Variants in SAR1B observed in about 807,000 individuals in gnomAD.
The protein encoded by SAR1B is small COPII coat GTPase SAR1B.
SAR1B carries 23 observed loss-of-function variants against 26.8 expected under a neutral mutation model. The observed-to-expected ratio is 0.86, with a 90% confidence interval of 0.62 to 1.22. The LOEUF (loss-of-function observed/expected upper bound fraction) is 1.22, where lower values mean the gene tolerates loss of function less well. SAR1B is among the 50% of genes most tolerant of loss of function. The pLI is 0.00. For synonymous variants in SAR1B, 65 were observed against 80.8 expected (o/e 0.80, Z 1.05); for missense variants, 196 against 232.8 (o/e 0.84, Z 1.03).
intron 3 of SAR1B, 68 bp from the exon 4 acceptor site, chr5:134,612,824 A>T: frequency 7.0e-7 from 1 of 1,425,508 alleles, no homozygotes; most frequent in Non-Finnish European, 9.7e-7. Flanking sequence ...AAAGTAAAGT[A>T]GAGGTTCCTT....
chr5:134,630,889 C>CTTTTTTTTTTTTTTTTTTTTTTT lies in SAR1B; in HGVS notation c.-19+1816_-19+1838dup, dbSNP rs781218368. Among the ~76,000 whole-genome samples, 101 of 69,152 alleles carry CTTTTTTTTTTTTTTTTTTTTTTT rather than the reference C, an allele frequency of 1.5e-3. 4 individuals carry two copies. The highest frequency in any genetic ancestry group is 1.8e-3 in the Non-Finnish European group (62 of 35,240). 45.4% of individuals were successfully genotyped at this position (69,152 alleles called of 152,430 possible). ...TTTCCTTTTCTATTTCTTTTTTTTT[C>CTTTTTTTTTTTTTTTTTTTTTTT]TTTTTTTTTTTTTTTTTTTTTTTTT... On this transcript the variant is annotated intron_variant, in intron 1 of 6. Coordinates refer to ENST00000402673, the MANE Select transcript of SAR1B (RefSeq NM_016103.4).
At chr5:134,609,171 G>T in intron 5 of SAR1B, 1 of 452,518 alleles carries the variant, frequency 2.2e-6, no homozygotes, top group Admixed American at 2.4e-5. Context: ...ATATGCCTCT[G>T]CTCACTCCTG....
At chr5:134,632,546 G>A (rs1338398403) in intron 1 of SAR1B, among the ~76,000 whole-genome samples, 182 bp downstream of exon 1, 1 of 152,202 alleles carries the variant, frequency 6.6e-6, no homozygotes, top group East Asian at 1.9e-4. Flanking sequence ...AGACGGCCCC[G>A]CGGAGCATGG....
At chr5:134,627,434 G>T (rs150412597) in intron 1 of SAR1B, among the ~76,000 whole-genome samples, 6 of 152,028 alleles carry the variant, frequency 3.9e-5, no homozygotes, top group Non-Finnish European at 7.4e-5. Flanking sequence ...GGGGACTCAA[G>T]CAATCCTCCC....
Position 134,608,472 on chromosome 5 carries a change from A to G in SAR1B, c.380T>C (p.Val127Ala). The change falls in exon 6 of 7, where the codon GTG becomes GCG. Residue 127 changes from valine (V) to alanine (A), a missense_variant. Coordinates refer to ENST00000402673, the MANE Select transcript of SAR1B (RefSeq NM_016103.4). ...SLMTDETIANVPILILGNKID... is the reference protein window; with the variant it reads ...SLMTDETIANAPILILGNKID... Reference sequence around the variant, plus strand: ...CTTATTCCCAAGAATCAGTATAGGCACATTAGCAATGGTTTCATCTGTCAT... The same window carrying G: ...CTTATTCCCAAGAATCAGTATAGGCGCATTAGCAATGGTTTCATCTGTCAT... 2 of 1,612,624 alleles carry G rather than the reference A, an allele frequency of 1.2e-6. No homozygotes were observed. The highest frequency in any genetic ancestry group is 1.7e-6 in the Non-Finnish European group (2 of 1,179,504).
At chr5:134,609,343 T>C (rs1765177292) in intron 5 of SAR1B, among the ~76,000 whole-genome samples, 1 of 152,208 alleles carries the variant, frequency 6.6e-6, no homozygotes, top group Admixed American at 6.5e-5. Context: ...TTCTTAAGTC[T>C]TCATAAAAGA....
At chr5:134,612,610 A>G in intron 4 of SAR1B, 81 bp downstream of exon 4, 1 of 1,261,296 alleles carries the variant, frequency 7.9e-7, no homozygotes, top group Non-Finnish European at 1.0e-6. Context: ...GCACCACTGC[A>G]CTCCAGCCTG....
In SAR1B at chr5:134,605,777, C is replaced by T. The variant is rs1765116588; in HGVS notation, c.*1173G>A. The T allele has an allele frequency of 1.3e-5, 2 of 151,556 alleles. No individual in the cohort carries two copies. Among genetic ancestry groups the T allele is most frequent in the South Asian group, 4.2e-4 (2 of 4,810 alleles). 9.4% of individuals were successfully genotyped at this position (151,556 alleles called of 1,614,324 possible). A position where few individuals can be genotyped will look rare whatever the true frequency, so the allele number is the denominator to read the frequency against. ...GGAAACAAGCACTTGTTTTCTTCTA[C>T]CAGGATATAAAATATGCCAAAGAAT... On this transcript the variant is annotated 3_prime_UTR_variant, in exon 7 of 7. Transcript: ENST00000402673.
intron 2 of SAR1B, among the ~76,000 whole-genome samples, chr5:134,621,931 T>C (rs1765414986): frequency 6.6e-6 from 1 of 151,972 alleles, no homozygotes; most frequent in South Asian, 2.1e-4. Flanking sequence ...AGAGATGGGG[T>C]TTCACCATGT....
At chr5:134,627,801 A>AAAT (rs1765520467) in intron 1 of SAR1B, among the ~76,000 whole-genome samples, 55 of 134,522 alleles carry the variant, frequency 4.1e-4, no homozygotes, top group African/African-American at 1.5e-3. Flanking sequence ...TCCATCCCAA[A>AAAT]AAATAAATAA....
intron 3 of SAR1B, among the ~76,000 whole-genome samples, chr5:134,615,855 G>A (rs987208980): frequency 6.6e-6 from 1 of 151,514 alleles, no homozygotes; most frequent in South Asian, 2.1e-4. Context: ...TCTGTATGTA[G>A]GCCAGGTGCA....
chr5:134,623,077 G>T (rs1364361432), intron 2 of SAR1B, among the ~76,000 whole-genome samples: 1 of 142,290 alleles, frequency 7.0e-6, no homozygotes, highest in Non-Finnish European at 1.5e-5. Flanking sequence ...AGCTGAGATC[G>T]CACCACTGCG....
chr5:134,625,809 G>C (rs569372874), intron 1 of SAR1B: 1 of 152,268 alleles, frequency 6.6e-6, no homozygotes, highest in South Asian at 2.1e-4. Context: ...TACAGACTGT[G>C]AATCAAGTGG....
At chr5:134,624,624 A>AT (rs1765465530) in intron 1 of SAR1B, among the ~76,000 whole-genome samples, 1 of 121,548 alleles carries the variant, frequency 8.2e-6, no homozygotes, top group African/African-American at 2.8e-5. Flanking sequence ...AAGGGAAGTG[A>AT]GTTTTTTTTT....
At chr5:134,625,041 C>A (rs1765472624) in intron 1 of SAR1B, among the ~76,000 whole-genome samples, 1 of 152,094 alleles carries the variant, frequency 6.6e-6, no homozygotes, top group African/African-American at 2.4e-5. Flanking sequence ...CCAAAAGGGA[C>A]AAAGTCCCAA....
At chr5:134,623,924 A>G (rs371247608) in intron 2 of SAR1B, 38 bp downstream of exon 2, 37 of 1,395,022 alleles carry the variant, frequency 2.7e-5, no homozygotes, top group Non-Finnish European at 3.7e-5. Flanking sequence ...AAATAAGACC[A>G]AAGGGGATAA....
At chr5:134,630,456 CAAAAA>C (rs773343974) in intron 1 of SAR1B, among the ~76,000 whole-genome samples, 1 of 41,562 alleles carries the variant, frequency 2.4e-5, no homozygotes, top group Non-Finnish European at 4.9e-5. Flanking sequence ...AACTCTATCT[CAAAAA>C]AAAAAAAAAA....
intron 1 of SAR1B, among the ~76,000 whole-genome samples, chr5:134,624,458 T>C (rs1049708148): frequency 7.9e-5 from 12 of 151,832 alleles, no homozygotes; most frequent in Non-Finnish European, 1.8e-4. Context: ...GAGGTAGAGA[T>C]TGTAATGAAC....
At chr5:134,630,793 A>T (rs1561791129) in intron 1 of SAR1B, among the ~76,000 whole-genome samples, 1 of 150,938 alleles carries the variant, frequency 6.6e-6, no homozygotes, top group Non-Finnish European at 1.5e-5. Flanking sequence ...AAAAAAAAAA[A>T]GAAAAAAGAA....
Sources: allele counts gnomAD v4.1 joint callset (sites outside exome capture counted in the v4.1 genomes callset), GRCh38; gene constraint gnomAD v4.1.1; transcripts MANE v1.5; gene names NCBI Gene and HGNC (gene_info 2026-07-23, HGNC 2026-07-21).